Variants in ISCA2 observed in about 807,000 individuals in gnomAD.
ISCA2 encodes iron-sulfur cluster assembly 2 homolog, mitochondrial.
In ISCA2, 21 loss-of-function variants were observed where a neutral mutation model predicts 19.1. The observed-to-expected ratio is 1.10, with a 90% CI of 0.78 to 1.59. ISCA2 has a LOEUF of 1.59. ISCA2 is among the 40% of genes most tolerant of loss of function. The probability of loss-of-function intolerance (pLI) is 0.00; values close to 1 mark genes in which losing one functional copy is unlikely to be tolerated. For synonymous variants in ISCA2, 107 were observed against 83.8 expected, an observed-to-expected ratio of 1.28 and a Z score of -1.51; for missense variants, 181 against 191.7, an observed-to-expected ratio of 0.94 and a Z score of 0.33.
At position 74,495,204 on chromosome 14, in the gene ISCA2, G is replaced by T. The variant is rs1487928030; in HGVS notation, c.*204G>T. On this transcript the variant is annotated 3_prime_UTR_variant, in exon 4 of 4. Coordinates refer to ENST00000556816, the MANE Select transcript of ISCA2 (RefSeq NM_194279.4). The stretch of plus-strand genomic sequence containing the variant: ...AATTTTTCCCTCCACTCAGTGCTAA[G>T]GCTGAGCCTCCAGATGCTGTTACCT... The T allele has an allele frequency of 5.7e-6, 3 of 525,672 alleles. No individual in the cohort carries two copies. The highest frequency in any genetic ancestry group is 1.0e-5 in the Non-Finnish European group (3 of 298,448). The allele number at this position is 525,672 out of a possible 1,614,324, so 32.6% of individuals were successfully genotyped here.
rs1486157182 is a variant in ISCA2, at chr14:74,494,295, A to C, written c.195A>C (p.Glu65Asp). Residue 65 changes from glutamate (E) to aspartate (D), a missense_variant, in exon 3 of 4, where the codon GAA becomes GAC. By Grantham distance (45) the Glu-to-Asp change is conservative (BLOSUM62 2). Transcript: ENST00000556816. ...SCVQRLLEIT[E>D]GSEFLRLQVE... ...TTCAGAGGCTTTTGGAAATCACCGAAGGGTCAGAATTCCTCAGGCTGCAAG... is the reference window on the plus strand; with the variant it reads ...TTCAGAGGCTTTTGGAAATCACCGACGGGTCAGAATTCCTCAGGCTGCAAG... 1 of 1,614,056 alleles carries C rather than the reference A, an allele frequency of 6.2e-7. No homozygotes were observed. Among genetic ancestry groups the C allele is most frequent in the Admixed American group, 1.7e-5 (1 of 60,030 alleles).
At position 74,494,151 on chromosome 14, in the gene ISCA2, A is replaced by G. The variant is rs759964533; in HGVS notation, c.173A>G (p.Gln58Arg). The G allele has an allele frequency of 1.3e-6, 2 of 1,588,520 alleles. No homozygotes were observed. Among genetic ancestry groups the G allele is most frequent in the Admixed American group, 3.6e-5 (2 of 56,098 alleles). Residue 58 changes from glutamine (Q) to arginine (R), a missense_variant and splice_region_variant, in exon 2 of 4, where the codon CAG becomes CGG. Gln to Arg is a conservative substitution (Grantham distance 43). Transcript: ENST00000556816. ...ATCCGCCTCACAGACAGTTGCGTCC[A>G]GGTAGGAGGCCGGACGCGGAGCGGC... ...GQIRLTDSCV[Q>R]RLLEITEGSE... is the part of the protein sequence containing the mutation.
In ISCA2 at chr14:74,494,099, TC is replaced by T; in HGVS notation, c.123del (p.Ser42AlafsTer75). 6.4e-7 allele frequency: 1 copy of T among 1,571,160 alleles called. No homozygotes were observed. On this transcript the variant is annotated frameshift_variant, in exon 2 of 4. Coordinates refer to ENST00000556816, the MANE Select transcript of ISCA2 (RefSeq NM_194279.4). LOFTEE classifies it high-confidence loss of function. ...CCAGGCGCGTCGGGAGGCGTCGTCC[TC>T]CAGCCCCGAGGCCGGCGAAGGGCAG... Reference protein sequence around the residue: ...GPQARREASSSSPEAGEGQIR... With the variant: ...GPQARREASSXSPEAGEGQIR...
rs1414991384 is a variant in ISCA2 at position 74,496,316 on chromosome 14, A to T, written c.*1316A>T. 6.6e-6 allele frequency: 1 copy of T among 152,208 alleles called. No homozygotes were observed. The highest frequency in any genetic ancestry group is 1.5e-5 in the Non-Finnish European group (1 of 68,040). The allele number at this position is 152,208 out of a possible 1,614,324, so 9.4% of individuals were successfully genotyped here. ...GTCATTTAGTAAGAATTTACTATTT[A>T]AAAAAATGGAAATAGAGTTTAGAAA... On this transcript the variant is annotated 3_prime_UTR_variant, in exon 4 of 4. Coordinates refer to ENST00000556816, the MANE Select transcript of ISCA2 (RefSeq NM_194279.4).
chr14:74,494,525 C>A, intron 3 of ISCA2, 135 bp downstream of exon 3: 1 of 687,908 alleles, frequency 1.5e-6, no homozygotes, highest in Non-Finnish European at 2.5e-6. Context: ...AGTGAGGATG[C>A]AGTAAAGGTT....
intron 3 of ISCA2, 165 bp from the exon 4 acceptor site, chr14:74,494,661 T>C (rs1325314503): frequency 6.2e-6 from 4 of 646,666 alleles, no homozygotes; most frequent in African/African-American, 5.5e-5. Flanking sequence ...TTTCCCAGTA[T>C]TTATTCCATT....
Position 74,494,075 on chromosome 14 carries a change from C to A in ISCA2, c.97C>A (p.Gln33Lys). ...GRLLTASLGP[Q>K]ARREASSSSP... ...GCTCCTCACGGCCTCCCTGGGACCC[C>A]AGGCGCGTCGGGAGGCGTCGTCCTC... is the stretch of plus-strand genomic sequence containing the variant. The change falls in exon 2 of 4, where the codon CAG becomes AAG. Residue 33 changes from glutamine to lysine, a missense_variant. Gln to Lys is a moderately conservative substitution (Grantham distance 53). Coordinates refer to ENST00000556816, the MANE Select transcript of ISCA2 (RefSeq NM_194279.4). The A allele has an allele frequency of 6.4e-7, 1 of 1,551,668 alleles. No individual in the cohort carries two copies. Among genetic ancestry groups the A allele is most frequent in the Non-Finnish European group, 8.7e-7 (1 of 1,151,820 alleles).
chr14:74,494,399 G>A lies in ISCA2; in HGVS notation c.290+9G>A, dbSNP rs776395304. 6.3e-7 allele frequency: 1 copy of A among 1,597,360 alleles called. No individual in the cohort carries two copies. The highest frequency in any genetic ancestry group is 8.6e-7 in the Non-Finnish European group (1 of 1,164,650). Reference sequence around the variant, plus strand: ...ATCAACCCCGACGACAGGCAAGGAGGAAGGGGTGGGCCCCCAAAGGAGGTA... The same window carrying A: ...ATCAACCCCGACGACAGGCAAGGAGAAAGGGGTGGGCCCCCAAAGGAGGTA... On this transcript the variant is annotated intron_variant, in intron 3 of 3. Coordinates refer to ENST00000556816, the MANE Select transcript of ISCA2 (RefSeq NM_194279.4).
Position 74,495,958 on chromosome 14 carries a change from TTTTA to T in ISCA2, c.*962_*965del, listed in dbSNP as rs772813339. On this transcript the variant is annotated 3_prime_UTR_variant, in exon 4 of 4. Transcript: ENST00000556816. ...TTTGAAATTCAAATTTAACTCATAT[TTTTA>T]TTTGCTGACCTTGGCAACTCTGCTT... The T allele has an allele frequency of 6.6e-6, 1 of 152,246 alleles. No homozygotes were observed. Among genetic ancestry groups the T allele is most frequent in the Non-Finnish European group, 1.5e-5 (1 of 68,046 alleles). The allele number at this position is 152,246 out of a possible 1,614,324, so 9.4% of individuals were successfully genotyped here.
At position 74,494,989 on chromosome 14, in the gene ISCA2, A is replaced by C; in HGVS notation, c.454A>C (p.Ile152Leu). The change falls in exon 4 of 4, where the codon ATC (isoleucine) becomes CTC (leucine). Residue 152 changes from isoleucine to leucine, a missense_variant. Ile to Leu is a conservative substitution (Grantham distance 5). Transcript: ENST00000556816. The part of the protein sequence containing the change: ...QGCSCGSSFS[I>L]KL ...CTGCTCCTGTGGGTCATCTTTCTCT[A>C]TCAAACTTTGATGTGATGACTGGTG... 1 of 1,612,272 alleles carries C rather than the reference A, an allele frequency of 6.2e-7. No homozygotes were observed. The highest frequency in any genetic ancestry group is 8.5e-7 in the Non-Finnish European group (1 of 1,179,662).
At position 74,496,614 on chromosome 14, in the gene ISCA2, T is replaced by A. The variant is rs185354303; in HGVS notation, c.*1614T>A. 6.6e-6 allele frequency: 1 copy of A among 152,350 alleles called. No individual in the cohort carries two copies. Among genetic ancestry groups the A allele is most frequent in the Admixed American group, 6.5e-5 (1 of 15,314 alleles). 9.4% of individuals were successfully genotyped at this position (152,350 alleles called of 1,614,324 possible). A position where few individuals can be genotyped will look rare whatever the true frequency, so the allele number is the denominator to read the frequency against. ...TCCTTAAAAAGATTTTGCTACATTT[T>A]AAACATTAGAATATATTCTTTAAGA... is the stretch of plus-strand genomic sequence containing the variant. On this transcript the variant is annotated 3_prime_UTR_variant, in exon 4 of 4. Coordinates refer to ENST00000556816, the MANE Select transcript of ISCA2 (RefSeq NM_194279.4).
Position 74,494,169 on chromosome 14 carries a change from G to A in ISCA2, c.174+17G>A. 1.3e-6 allele frequency: 2 copies of A among 1,585,790 alleles called. No individual in the cohort carries two copies. The highest frequency in any genetic ancestry group is 1.7e-6 in the Non-Finnish European group (2 of 1,164,668). On this transcript the variant is annotated intron_variant, in intron 2 of 3. Transcript: ENST00000556816. Reference sequence around the variant, plus strand: ...TGCGTCCAGGTAGGAGGCCGGACGCGGAGCGGCGGTACCCAGGCGATTGGC... The same window carrying A: ...TGCGTCCAGGTAGGAGGCCGGACGCAGAGCGGCGGTACCCAGGCGATTGGC...
chr14:74,495,015 A>C lies in ISCA2; in HGVS notation c.*15A>C. On this transcript the variant is annotated 3_prime_UTR_variant, in exon 4 of 4. Transcript: ENST00000556816. The stretch of plus-strand genomic sequence containing the variant: ...TCAAACTTTGATGTGATGACTGGTG[A>C]CTCTGGGATTGTCACCAGTTGTACC... The C allele has an allele frequency of 6.3e-7, 1 of 1,598,858 alleles. No individual in the cohort carries two copies. The highest frequency in any genetic ancestry group is 8.6e-7 in the Non-Finnish European group (1 of 1,168,854).
Position 74,493,824 on chromosome 14 carries a change from T to C in ISCA2, c.50T>C (p.Val17Ala). 6.5e-7 allele frequency: 1 copy of C among 1,549,058 alleles called. No homozygotes were observed. Among genetic ancestry groups the C allele is most frequent in the Admixed American group, 2.2e-5 (1 of 45,032 alleles). The change falls in exon 1 of 4, where the codon GTC becomes GCC. Residue 17 changes from valine to alanine, a missense_variant. By Grantham distance (64) the Val-to-Ala change is moderately conservative. Coordinates refer to ENST00000556816, the MANE Select transcript of ISCA2 (RefSeq NM_194279.4). This position sits in a 1 kb window ranked among gnomAD's most constrained non-coding sequence, Gnocchi z 4.1. ...SSLTAATQRA[V>A]TPWPRGRLLT... ...CTAACGGCCGCGACGCAGAGAGCGG[T>C]CACTCCCTGGCCGAGGGGCAGGTAC...
intron 3 of ISCA2, 117 bp downstream of exon 3, chr14:74,494,507 C>G (rs1026607495): frequency 2.7e-6 from 2 of 742,382 alleles, no homozygotes; most frequent in Non-Finnish European, 4.6e-6. Flanking sequence ...TAACACCGCC[C>G]GTCTCACAGT....
Position 74,496,162 on chromosome 14 carries a change from A to G in ISCA2, c.*1162A>G, listed in dbSNP as rs2086844487. On this transcript the variant is annotated 3_prime_UTR_variant, in exon 4 of 4. Coordinates refer to ENST00000556816, the MANE Select transcript of ISCA2 (RefSeq NM_194279.4). Reference sequence around the variant, plus strand: ...CATCACCACACCGAATGATTTATTAATACTGATGTTGGAGAAACTACAACC... The same window carrying G: ...CATCACCACACCGAATGATTTATTAGTACTGATGTTGGAGAAACTACAACC... 6.6e-6 allele frequency: 1 copy of G among 152,222 alleles called. No homozygotes were observed. Among genetic ancestry groups the G allele is most frequent in the South Asian group, 2.1e-4 (1 of 4,834 alleles). 9.4% of individuals were successfully genotyped at this position (152,222 alleles called of 1,614,324 possible).
chr14:74,494,301 A>G lies in ISCA2; in HGVS notation c.201A>G (p.Ser67=), dbSNP rs1181206235. Residue 67 remains serine (S), a synonymous_variant, in exon 3 of 4, where the codon TCA becomes TCG. Coordinates refer to ENST00000556816, the MANE Select transcript of ISCA2 (RefSeq NM_194279.4). ...VQRLLEITEG[S]EFLRLQVEGG... is the part of the protein sequence containing the mutation. Reference sequence around the variant, plus strand: ...GGCTTTTGGAAATCACCGAAGGGTCAGAATTCCTCAGGCTGCAAGTGGAGG... The same window carrying G: ...GGCTTTTGGAAATCACCGAAGGGTCGGAATTCCTCAGGCTGCAAGTGGAGG... 4 of 1,614,154 alleles carry G rather than the reference A, an allele frequency of 2.5e-6. No homozygotes were observed. The highest frequency in any genetic ancestry group is 4.5e-5 in the East Asian group (2 of 44,884).
In ISCA2 at chr14:74,495,955, TA is replaced by T. The variant is rs747841345; in HGVS notation, c.*956del. ...CTATTTGAAATTCAAATTTAACTCATATTTTTATTTGCTGACCTTGGCAACT... is the reference window on the plus strand; with the variant it reads ...CTATTTGAAATTCAAATTTAACTCATTTTTTATTTGCTGACCTTGGCAACT... On this transcript the variant is annotated 3_prime_UTR_variant, in exon 4 of 4. Transcript: ENST00000556816. The T allele has an allele frequency of 1.3e-5, 2 of 152,248 alleles. No individual in the cohort carries two copies. Among genetic ancestry groups the T allele is most frequent in the African/African-American group, 2.4e-5 (1 of 41,452 alleles). The allele number at this position is 152,248 out of a possible 1,614,324, so 9.4% of individuals were successfully genotyped here.
rs2086853373 is a variant in ISCA2 at position 74,496,947 on chromosome 14, C to T, written c.*1947C>T. 6.6e-6 allele frequency: 1 copy of T among 152,110 alleles called. No homozygotes were observed. The highest frequency in any genetic ancestry group is 2.4e-5 in the African/African-American group (1 of 41,484). 9.4% of individuals were successfully genotyped at this position (152,110 alleles called of 1,614,324 possible). On this transcript the variant is annotated 3_prime_UTR_variant, in exon 4 of 4. Transcript: ENST00000556816. ...CCTGGGCAACATGGTGAAACCCCAT[C>T]TCTACTAAAAATACAAAAATTAACT...
Sources: gnomAD v4.1 joint callset for allele counts on GRCh38, gnomAD v4.1.1 for gene constraint, Gnocchi (gnomAD v3.1) non-coding constraint, MANE v1.5 for transcripts, NCBI Gene and HGNC (gene_info 2026-07-23, HGNC 2026-07-21) for gene names.